The following C8A variants were observed in gnomAD, a reference collection of about 807,000 sequenced individuals.
C8A encodes the protein complement C8 alpha chain, also known as complement component C8 alpha chain.
Under a neutral mutation model 65.3 loss-of-function variants are expected in C8A, and 67 were observed. The observed-to-expected ratio is 1.03, with a 90% CI of 0.84 to 1.26. The LOEUF (loss-of-function observed/expected upper bound fraction) is 1.26. C8A is among the 50% of genes most tolerant of loss of function. The probability of loss-of-function intolerance (pLI) is 0.00; values close to 1 mark genes in which losing one functional copy is unlikely to be tolerated. For synonymous variants in C8A, 290 were observed against 259.4 expected (o/e 1.12, Z -1.13); for missense variants, 781 against 723.9 (o/e 1.08, Z -0.90).
intron 9 of C8A, among the ~76,000 whole-genome samples, chr1:56,912,010 C>G (rs1644511562): frequency 6.6e-6 from 1 of 152,080 alleles, no homozygotes. Flanking sequence ...ACACATTGCT[C>G]CAGGATCACT....
At chr1:56,875,581 A>C (rs1644190656) in intron 3 of C8A, among the ~76,000 whole-genome samples, 1 of 152,078 alleles carries the variant, frequency 6.6e-6, no homozygotes, top group South Asian at 2.1e-4. Flanking sequence ...ATGGTATTTG[A>C]GTAGAGACTT....
At chr1:56,893,140 G>A (rs1030429320) in intron 7 of C8A, among the ~76,000 whole-genome samples, 32 of 151,976 alleles carry the variant, frequency 2.1e-4, no homozygotes, top group African/African-American at 7.7e-4. Flanking sequence ...TCAGAAGCTG[G>A]TATGTCACAT....
rs576559313 is a variant in C8A at position 56,918,087 on chromosome 1, A to C, written c.*371A>C. 5.1e-5 allele frequency: 10 copies of C among 194,536 alleles called. No homozygotes were observed. Among genetic ancestry groups the C allele is most frequent in the Non-Finnish European group, 1.1e-4 (10 of 94,470 alleles). The allele number at this position is 194,536 out of a possible 1,614,324, so 12.1% of individuals were successfully genotyped here. A position where few individuals can be genotyped will look rare whatever the true frequency, so the allele number is the denominator to read the frequency against. Reference sequence around the variant, plus strand: ...ACACCTGAAACAATCAACGCCCAATAAAACAAAGTAGGATGAAAATTCTCT... The same window carrying C: ...ACACCTGAAACAATCAACGCCCAATCAAACAAAGTAGGATGAAAATTCTCT... On this transcript the variant is annotated 3_prime_UTR_variant, in exon 11 of 11. Coordinates refer to ENST00000361249, the MANE Select transcript of C8A (RefSeq NM_000562.3).
At chr1:56,907,437 T>C (rs1644474590) in intron 8 of C8A, among the ~76,000 whole-genome samples, 1 of 152,216 alleles carries the variant, frequency 6.6e-6, no homozygotes, top group African/African-American at 2.4e-5. Context: ...TTCTTCTCTC[T>C]TTCTATCCTC....
intron 7 of C8A, among the ~76,000 whole-genome samples, chr1:56,896,130 G>C (rs975707371): frequency 6.6e-6 from 1 of 152,068 alleles, no homozygotes; most frequent in Non-Finnish European, 1.5e-5. Context: ...ATAGCCCTAA[G>C]GGAGGCATTG....
At chr1:56,911,926 A>G (rs1318771525) in intron 9 of C8A, among the ~76,000 whole-genome samples, 1 of 152,222 alleles carries the variant, frequency 6.6e-6, no homozygotes, top group Non-Finnish European at 1.5e-5. Flanking sequence ...GTTGGCACAA[A>G]TAACTTCTAA....
intron 9 of C8A, among the ~76,000 whole-genome samples, chr1:56,908,774 G>T (rs1644485693): frequency 6.6e-6 from 1 of 152,144 alleles, no homozygotes; most frequent in Non-Finnish European, 1.5e-5. Context: ...AATATTTGAG[G>T]TCATATAGCT....
At chr1:56,899,769 T>C (rs1644412689) in intron 7 of C8A, among the ~76,000 whole-genome samples, 1 of 152,220 alleles carries the variant, frequency 6.6e-6, no homozygotes, top group South Asian at 2.1e-4. Context: ...TGACTGTGAT[T>C]GCTAGCTCTG....
chr1:56,877,799 G>T (rs1352165058), intron 4 of C8A, among the ~76,000 whole-genome samples: 1 of 152,132 alleles, frequency 6.6e-6, no homozygotes, highest in Non-Finnish European at 1.5e-5. Flanking sequence ...AAGGACAAGT[G>T]GGGGTTCCAT....
Position 56,917,684 on chromosome 1 carries a change from C to G in C8A, c.1723C>G (p.Pro575Ala). Residue 575 changes from proline to alanine, a missense_variant, in exon 11 of 11, where the codon CCA (proline) becomes GCA (alanine). Pro to Ala is a conservative substitution (Grantham distance 27, BLOSUM62 -1). Transcript: ENST00000361249. ...PAPQNGGASCPGRKVQTQAC is the reference protein window; with the variant it reads ...PAPQNGGASCAGRKVQTQAC ...ACCTCAGAATGGAGGGGCCTCGTGT[C>G]CAGGGCGGAAAGTACAGACGCAGGC... 1.2e-6 allele frequency: 2 copies of G among 1,614,166 alleles called. No homozygotes were observed. Among genetic ancestry groups the G allele is most frequent in the Non-Finnish European group, 1.7e-6 (2 of 1,180,028 alleles).
intron 10 of C8A, among the ~76,000 whole-genome samples, chr1:56,913,844 T>C (rs951985623): frequency 6.6e-6 from 1 of 152,198 alleles, no homozygotes; most frequent in African/African-American, 2.4e-5. Context: ...TGGAGGGGGC[T>C]GAAGCCATGT....
intron 3 of C8A, 51 bp downstream of exon 3, chr1:56,875,144 T>G (rs754374113): frequency 6.3e-7 from 1 of 1,595,790 alleles, no homozygotes; most frequent in Non-Finnish European, 8.6e-7. Flanking sequence ...AAGTGACATG[T>G]GAAACACTTC....
chr1:56,878,777 C>T (rs1040554874), intron 4 of C8A, among the ~76,000 whole-genome samples: 2 of 152,114 alleles, frequency 1.3e-5, no homozygotes, highest in African/African-American at 4.8e-5. Context: ...TAGAGCTGAC[C>T]CCTGTTAACA....
Position 56,881,606 on chromosome 1 carries a change from C to T in C8A, c.626C>T (p.Pro209Leu), listed in dbSNP as rs370303503. 6.2e-7 allele frequency: 1 copy of T among 1,613,474 alleles called. No homozygotes were observed. Among genetic ancestry groups the T allele is most frequent in the Non-Finnish European group, 8.5e-7 (1 of 1,179,732 alleles). ...GATGATGAGAAATACTTTCGGAAAC[C>T]CTACAACTTTCTGAAGTACCACTTT... ...YGDDEKYFRK[P>L]YNFLKYHFEA... The change falls in exon 5 of 11, where the codon CCC becomes CTC. Residue 209 changes from proline to leucine, a missense_variant. Physicochemically the swap from Pro to Leu is moderately conservative, Grantham distance 98. Transcript: ENST00000361249.
At chr1:56,856,450 T>G (rs1321411038) in intron 1 of C8A, among the ~76,000 whole-genome samples, 2 of 152,146 alleles carry the variant, frequency 1.3e-5, no homozygotes. Context: ...TTGTTATTGT[T>G]ATTTTTTGGT....
rs1644134740 is a variant in C8A, at chr1:56,870,533, A to G, written c.171+2831A>G. On this transcript the variant is annotated intron_variant, in intron 2 of 10. Coordinates refer to ENST00000361249, the MANE Select transcript of C8A (RefSeq NM_000562.3). ...GATGACACTTAGTGCTATCCAGACA[A>G]TCCAGGGTAATATCCTCATCTCAGA... Among the ~76,000 whole-genome samples the G allele has an allele frequency of 2.6e-5, 4 of 152,168 alleles. No individual in the cohort carries two copies. In the Middle Eastern group the frequency reaches 0.01, roughly 388 times the overall value.
intron 1 of C8A, among the ~76,000 whole-genome samples, chr1:56,857,841 A>G (rs1472841320): frequency 6.6e-6 from 1 of 152,016 alleles, no homozygotes; most frequent in African/African-American, 2.4e-5. Context: ...TCTGCCCCAT[A>G]CACTCTCATC....
intron 5 of C8A, among the ~76,000 whole-genome samples, chr1:56,882,994 G>T (rs759955750): frequency 6.6e-6 from 1 of 152,184 alleles, no homozygotes; most frequent in Non-Finnish European, 1.5e-5. Flanking sequence ...CCAAGACCAT[G>T]TCTCAGTTCA....
chr1:56,873,328 T>C (rs1644164491), intron 2 of C8A, among the ~76,000 whole-genome samples: 1 of 152,176 alleles, frequency 6.6e-6, no homozygotes, highest in Non-Finnish European at 1.5e-5. Context: ...CACATTCTCT[T>C]ACTCAGAGCT....
Sources: gnomAD v4.1 joint callset for allele counts (sites outside exome capture counted in the v4.1 genomes callset) on GRCh38, gnomAD v4.1.1 for gene constraint, MANE v1.5 for transcripts, NCBI Gene and HGNC (gene_info 2026-07-23, HGNC 2026-07-21) for gene names.